SYMPK: variants seen among roughly 807,000 people sequenced by gnomAD.
SYMPK encodes the protein symplekin scaffold protein, also known as symplekin.
In SYMPK, 49 loss-of-function variants were observed where a neutral mutation model predicts 136.4. The observed-to-expected ratio is 0.36, with a 90% CI of 0.29 to 0.46. The LOEUF (loss-of-function observed/expected upper bound fraction) is 0.46. Among genes scored for constraint, SYMPK ranks in the 20% least tolerant of loss-of-function variants. The pLI, the probability that SYMPK is intolerant of heterozygous loss-of-function variation, is 1.00. For missense variants in SYMPK, 1,365 were observed against 1,690.0 expected, an observed-to-expected ratio of 0.81 and a Z score of 3.37; for synonymous variants, 766 against 713.0, an observed-to-expected ratio of 1.07 and a Z score of -1.19.
chr19:45,815,526 T>C lies in SYMPK; in HGVS notation c.*34A>G. Reference sequence around the variant, plus strand: ...CCCCGCCCCGTCCCCCAGCCCCGAGTCCCTGTCCCACCCCCTTTCCCCCTC... The same window carrying C: ...CCCCGCCCCGTCCCCCAGCCCCGAGCCCCTGTCCCACCCCCTTTCCCCCTC... On this transcript the variant is annotated 3_prime_UTR_variant, in exon 27 of 27. Transcript: ENST00000245934. 2.4e-6 allele frequency: 3 copies of C among 1,232,590 alleles called. No individual in the cohort carries two copies. Among genetic ancestry groups the C allele is most frequent in the Non-Finnish European group, 3.2e-6 (3 of 936,966 alleles). 76.4% of individuals were successfully genotyped at this position (1,232,590 alleles called of 1,614,324 possible). A position where few individuals can be genotyped will look rare whatever the true frequency, so the allele number is the denominator to read the frequency against.
intron 9 of SYMPK, among the ~76,000 whole-genome samples, chr19:45,839,307 C>T (rs1338430678): frequency 2.0e-5 from 3 of 152,150 alleles, no homozygotes; most frequent in African/African-American, 7.2e-5. Context: ...TAAAGGAAAC[C>T]AGGGTTCCTT....
chr19:45,854,101 T>C, intron 3 of SYMPK, 74 bp downstream of exon 3: 1 of 1,401,236 alleles, frequency 7.1e-7, no homozygotes, highest in Non-Finnish European at 1.0e-6. Flanking sequence ...CTGGTGTTAC[T>C]GCAAGTGTCT....
In SYMPK at chr19:45,818,151, G is replaced by C; in HGVS notation, c.2894-5C>G. On this transcript the variant is annotated splice_region_variant and splice_polypyrimidine_tract_variant and intron_variant, in intron 22 of 26. Coordinates refer to ENST00000245934, the MANE Select transcript of SYMPK (RefSeq NM_004819.3). Reference sequence around the variant, plus strand: ...CCGCAAAGCACAGGTTGGTGGCTGCGAGGAGGCGGAGAGTGGGCCTGTCCT... The same window carrying C: ...CCGCAAAGCACAGGTTGGTGGCTGCCAGGAGGCGGAGAGTGGGCCTGTCCT... 6.5e-7 allele frequency: 1 copy of C among 1,537,284 alleles called. No individual in the cohort carries two copies. Among genetic ancestry groups the C allele is most frequent in the Non-Finnish European group, 8.8e-7 (1 of 1,137,682 alleles).
rs141894331 is a variant in SYMPK, at chr19:45,822,115, CTTTTTTTTTTT to C, written c.2791+630_2792-631del. ...TTTTTCTAAGTTGAAAGTTTTGCTT[CTTTTTTTTTTT>C]TTTTTTTTTTGAGATGGAGTCTCAC... On this transcript the variant is annotated intron_variant, in intron 21 of 26. Transcript: ENST00000245934. Among the ~76,000 whole-genome samples the C allele has an allele frequency of 4.2e-3, 359 of 86,096 alleles. 2 individuals carry two copies. Among genetic ancestry groups the C allele is most frequent in the African/African-American group, 0.016 (346 of 21,776 alleles). The allele number at this position is 86,096 out of a possible 152,430, so 56.5% of individuals were successfully genotyped here. A position where few individuals can be genotyped will look rare whatever the true frequency, so the allele number is the denominator to read the frequency against.
At chr19:45,858,567 G>A (rs1201701966) in intron 1 of SYMPK, among the ~76,000 whole-genome samples, 2 of 151,842 alleles carry the variant, frequency 1.3e-5, no homozygotes, top group African/African-American at 2.4e-5. Flanking sequence ...CCAGGCTGGA[G>A]TGCAATGGCG....
Position 45,842,278 on chromosome 19 carries a change from C to T in SYMPK, c.1059G>A (p.Ser353=), listed in dbSNP as rs199931319. 45 of 1,614,194 alleles carry T rather than the reference C, an allele frequency of 2.8e-5. No homozygotes were observed. Among genetic ancestry groups the T allele is most frequent in the East Asian group, 4.5e-5 (2 of 44,890 alleles). ...GCTTCATCTTCTTGAGTGTGGAGTCCGAGTCATCGCGGGGCCGCTTGCGGG... is the reference window on the plus strand; with the variant it reads ...GCTTCATCTTCTTGAGTGTGGAGTCTGAGTCATCGCGGGGCCGCTTGCGGG... ...KDTRKRPRDD[S]DSTLKKMKLE... Residue 353 remains serine, a synonymous_variant, in exon 9 of 27, where the codon TCG becomes TCA. Coordinates refer to ENST00000245934, the MANE Select transcript of SYMPK (RefSeq NM_004819.3).
At position 45,825,367 on chromosome 19, in the gene SYMPK, ACTC is replaced by A. The variant is rs768720345; in HGVS notation, c.2330-39_2330-37del. 20 of 1,601,856 alleles carry A rather than the reference ACTC, an allele frequency of 1.2e-5. No homozygotes were observed. The African/African-American group carries it at 2.7e-4, about 21-fold the overall frequency. On this transcript the variant is annotated intron_variant, in intron 17 of 26. Coordinates refer to ENST00000245934, the MANE Select transcript of SYMPK (RefSeq NM_004819.3). ...AGGAGCGGGCATCAGATTGGCCCAC[ACTC>A]TTCTCCAACCCCCTCGGACCCTCAG...
Position 45,835,563 on chromosome 19 carries a change from G to A in SYMPK, c.1243-335C>T, listed in dbSNP as rs4802280. Among the ~76,000 whole-genome samples the A allele has an allele frequency of 1.1e-4, 16 of 152,136 alleles. No individual in the cohort carries two copies. The South Asian group carries it at 1.9e-3, about 18-fold the overall frequency. ...GAGGTGGGAGGGGTGTGTATTCCCCGTAGAGAAACACCATGGGAGAAGGCT... is the reference window on the plus strand; with the variant it reads ...GAGGTGGGAGGGGTGTGTATTCCCCATAGAGAAACACCATGGGAGAAGGCT... On this transcript the variant is annotated intron_variant, in intron 10 of 26. Coordinates refer to ENST00000245934, the MANE Select transcript of SYMPK (RefSeq NM_004819.3).
At chr19:45,846,569 A>G (rs1030827493) in intron 7 of SYMPK, among the ~76,000 whole-genome samples, 1 of 152,214 alleles carries the variant, frequency 6.6e-6, no homozygotes. Flanking sequence ...AAGCTACTAT[A>G]ATGTCTCTGA....
At chr19:45,817,915 C>A in intron 23 of SYMPK, 44 bp downstream of exon 23, 1 of 1,512,338 alleles carries the variant, frequency 6.6e-7, no homozygotes, top group Non-Finnish European at 8.9e-7. Flanking sequence ...AGGCTAGAAG[C>A]TGCTGTCTGC....
chr19:45,842,729 T>C (rs1459972363), intron 8 of SYMPK: 4 of 517,278 alleles, frequency 7.7e-6, no homozygotes, highest in Non-Finnish European at 1.4e-5. Context: ...AGTAAATACA[T>C]ACAATTTCGT....
chr19:45,861,988 T>C (rs542291045), intron 1 of SYMPK: 1 of 149,184 alleles, frequency 6.7e-6, no homozygotes, highest in Non-Finnish European at 1.5e-5. Context: ...GAGGTTGCAG[T>C]GAACTGGGAT....
chr19:45,818,002 C>A lies in SYMPK; in HGVS notation c.3038G>T (p.Gly1013Val). ...GGACAGGATGTTCATGACGAAGCCC[C>A]CCAGGCGGGGGTACATGGTCAGGGA... ...IQSLTMYPRL[G>V]GFVMNILSRL... The change falls in exon 23 of 27, where the codon GGG (glycine) becomes GTG (valine). Residue 1013 changes from glycine (G) to valine (V), a missense_variant. By Grantham distance (109) the Gly-to-Val change is moderately radical (BLOSUM62 -3). Transcript: ENST00000245934. 2 of 1,582,532 alleles carry A rather than the reference C, an allele frequency of 1.3e-6. No individual in the cohort carries two copies. The highest frequency in any genetic ancestry group is 2.3e-5 in the East Asian group (1 of 43,318).
chr19:45,823,515 G>A, intron 19 of SYMPK, 43 bp from the exon 20 acceptor site: 2 of 1,589,500 alleles, frequency 1.3e-6, no homozygotes, highest in Non-Finnish European at 1.7e-6. Flanking sequence ...AGGCGGAGGG[G>A]AGCGTGGGAA....
chr19:45,838,228 C>G (rs1467789001), intron 10 of SYMPK, among the ~76,000 whole-genome samples: 1 of 152,142 alleles, frequency 6.6e-6, no homozygotes, highest in Non-Finnish European at 1.5e-5. Flanking sequence ...GCCTGCTCCC[C>G]CTTCACCTTT....
intron 21 of SYMPK, among the ~76,000 whole-genome samples, chr19:45,822,303 A>G (rs558167776): frequency 8.0e-4 from 121 of 152,110 alleles, no homozygotes; most frequent in African/African-American, 2.9e-3. Flanking sequence ...TATTTTTAGT[A>G]GAGACGGGGT....
At chr19:45,843,136 C>T (rs867314140) in intron 8 of SYMPK, 2 of 152,360 alleles carry the variant, frequency 1.3e-5, no homozygotes. Flanking sequence ...AAACAATGAC[C>T]GTCAGCCCTT....
intron 1 of SYMPK, chr19:45,861,901 TG>T (rs1204479404): frequency 6.6e-6 from 1 of 151,348 alleles, no homozygotes; most frequent in East Asian, 1.9e-4. Flanking sequence ...AAAAATTACC[TG>T]GGTGTGGTGG....
chr19:45,838,817 T>G (rs1007580134), intron 9 of SYMPK, among the ~76,000 whole-genome samples: 1 of 152,176 alleles, frequency 6.6e-6, no homozygotes, highest in Non-Finnish European at 1.5e-5. Context: ...GTTCTGAACC[T>G]CAGATCTCCT....
Sources: gnomAD v4.1 joint callset for allele counts (sites outside exome capture counted in the v4.1 genomes callset) on GRCh38, gnomAD v4.1.1 for gene constraint, MANE v1.5 for transcripts, NCBI Gene and HGNC (gene_info 2026-07-23, HGNC 2026-07-21) for gene names.